Variants in DLGAP3 observed in about 807,000 individuals in gnomAD.
The protein encoded by DLGAP3 is disks large-associated protein 3.
A neutral mutation model predicts 81.2 loss-of-function variants in DLGAP3; 17 were observed. The ratio of observed to expected loss-of-function variants is 0.21; its 90% confidence interval spans 0.14 to 0.31. DLGAP3 has a LOEUF of 0.31. Among genes scored for constraint, DLGAP3 ranks in the 10% least tolerant of loss-of-function variants. The probability of loss-of-function intolerance (pLI) is 1.00; values close to 1 mark genes in which losing one functional copy is unlikely to be tolerated. For synonymous variants in DLGAP3, 577 were observed against 587.4 expected (o/e 0.98, Z 0.26); for missense variants, 1,124 against 1,388.0 (o/e 0.81, Z 3.02).
At chr1:34,916,271 A>G (rs1330860653) in intron 1 of DLGAP3, among the ~76,000 whole-genome samples, 1 of 152,240 alleles carries the variant, frequency 6.6e-6, no homozygotes, top group African/African-American at 2.4e-5. Flanking sequence ...TGTCCCGTCC[A>G]GGGAGGCATG....
intron 3 of DLGAP3, among the ~76,000 whole-genome samples, chr1:34,901,941 A>C (rs1392957184): frequency 6.6e-6 from 1 of 152,204 alleles, no homozygotes; most frequent in Non-Finnish European, 1.5e-5. Flanking sequence ...AAGGGAGAAC[A>C]GTTCAGGGAT....
intron 5 of DLGAP3, among the ~76,000 whole-genome samples, chr1:34,889,974 G>A (rs1023881450): frequency 3.3e-5 from 5 of 152,150 alleles, no homozygotes; most frequent in Admixed American, 1.3e-4. Context: ...CACATGAAGC[G>A]TGGAATTGGA....
At chr1:34,866,326 GC>G in intron 11 of DLGAP3, 25 bp from the exon 12 acceptor site, 1 of 1,489,748 alleles carries the variant, frequency 6.7e-7, no homozygotes, top group Non-Finnish European at 9.0e-7. Context: ...GCGTCGCTGA[GC>G]TGGGGCGCCG....
Position 34,867,342 on chromosome 1 carries a change from C to A in DLGAP3, c.2578-151G>T. The A allele has an allele frequency of 8.2e-7, 1 of 1,226,738 alleles. No individual in the cohort carries two copies. Among genetic ancestry groups the A allele is most frequent in the Non-Finnish European group, 1.2e-6 (1 of 838,828 alleles). 76.0% of individuals were successfully genotyped at this position (1,226,738 alleles called of 1,614,324 possible). ...GGAGACAGGGGGACAAGAGCGAGCC[C>A]AGGACTCCCCTTCTTGTGCACAAAC... On this transcript the variant is annotated intron_variant, in intron 10 of 11. Coordinates refer to ENST00000373347, the MANE Select transcript of DLGAP3 (RefSeq NM_001080418.3). The surrounding 1 kb of genome is among the most constrained non-coding windows in gnomAD (Gnocchi z 4.3).
At chr1:34,922,026 C>T (rs1028509711) in intron 1 of DLGAP3, among the ~76,000 whole-genome samples, 26 of 152,184 alleles carry the variant, frequency 1.7e-4, no homozygotes, top group African/African-American at 6.3e-4. Flanking sequence ...GGGCCCCCCT[C>T]TTACTCACTA....
intron 5 of DLGAP3, among the ~76,000 whole-genome samples, chr1:34,896,256 C>CA (rs983666470): frequency 1.3e-5 from 2 of 151,258 alleles, no homozygotes; most frequent in Non-Finnish European, 2.9e-5. Flanking sequence ...TTTTTGTTGC[C>CA]AAAAAAAAGA....
chr1:34,902,011 G>A lies in DLGAP3; in HGVS notation c.1108-1738C>T, dbSNP rs1639467475. ...GAAGAAGGATCGGCCTGGGATGGGTGGTCCCAGCTTTTCCTATGAGCCAAG... is the reference window on the plus strand; with the variant it reads ...GAAGAAGGATCGGCCTGGGATGGGTAGTCCCAGCTTTTCCTATGAGCCAAG... On this transcript the variant is annotated intron_variant, in intron 3 of 11. Coordinates refer to ENST00000373347, the MANE Select transcript of DLGAP3 (RefSeq NM_001080418.3). The surrounding 1 kb of genome is among the most constrained non-coding windows in gnomAD (Gnocchi z 4.4). Among the ~76,000 whole-genome samples, 5 of 152,164 alleles carry A rather than the reference G, an allele frequency of 3.3e-5. No homozygotes were observed. The highest frequency in any genetic ancestry group is 3.3e-4 in the Admixed American group (5 of 15,280).
intron 1 of DLGAP3, among the ~76,000 whole-genome samples, chr1:34,924,779 A>G (rs1314483737): frequency 1.3e-5 from 2 of 152,204 alleles, no homozygotes; most frequent in African/African-American, 4.8e-5. Context: ...GAAACAGCAA[A>G]AGGGGAGAGG....
chr1:34,895,425 C>A lies in DLGAP3; in HGVS notation c.1386+4244G>T, dbSNP rs1639367996. Reference sequence around the variant, plus strand: ...AAGTAAAATAAATGCTGAAAGAAATCAAAGAAGAACTGAATAAATGGAAAT... The same window carrying A: ...AAGTAAAATAAATGCTGAAAGAAATAAAAGAAGAACTGAATAAATGGAAAT... On this transcript the variant is annotated intron_variant, in intron 5 of 11. Coordinates refer to ENST00000373347, the MANE Select transcript of DLGAP3 (RefSeq NM_001080418.3). The surrounding 1 kb of genome is among the most constrained non-coding windows in gnomAD (Gnocchi z 4.5). Among the ~76,000 whole-genome samples the A allele has an allele frequency of 6.7e-6, 1 of 149,900 alleles. No individual in the cohort carries two copies. The highest frequency in any genetic ancestry group is 1.5e-5 in the Non-Finnish European group (1 of 67,380).
intron 1 of DLGAP3, among the ~76,000 whole-genome samples, chr1:34,923,087 C>T (rs576330759): frequency 2.0e-5 from 3 of 152,146 alleles, no homozygotes; most frequent in South Asian, 4.1e-4. Flanking sequence ...ACAATCCCCC[C>T]GTATATGCAA....
rs1404767684 is a variant in DLGAP3 at position 34,902,571 on chromosome 1, G to A, written c.1107+1706C>T. 6.6e-6 allele frequency among the ~76,000 whole-genome samples: 1 copy of A among 152,100 alleles called. No individual in the cohort carries two copies. ...AGGGGAGTGCGAGGCTGTCTGGAGG[G>A]TCCCTATAGCCCTTTGGTTCTTCCC... is the stretch of plus-strand genomic sequence containing the variant. On this transcript the variant is annotated intron_variant, in intron 3 of 11. Coordinates refer to ENST00000373347, the MANE Select transcript of DLGAP3 (RefSeq NM_001080418.3). The surrounding 1 kb of genome is among the most constrained non-coding windows in gnomAD (Gnocchi z 4.4).
At chr1:34,906,105 TAG>T (rs1194851664) in intron 2 of DLGAP3, among the ~76,000 whole-genome samples, 1 of 145,468 alleles carries the variant, frequency 6.9e-6, no homozygotes, top group Non-Finnish European at 1.5e-5. Flanking sequence ...TATATACACA[TAG>T]AAATATTTTT....
At chr1:34,876,875 A>T (rs1429270820) in intron 8 of DLGAP3, among the ~76,000 whole-genome samples, 1 of 152,132 alleles carries the variant, frequency 6.6e-6, no homozygotes, top group Non-Finnish European at 1.5e-5. Context: ...TGCTGCTCAA[A>T]TTGGCCCACT....
At chr1:34,866,932 C>A (rs930007842) in intron 11 of DLGAP3, 116 bp downstream of exon 11, 8 of 1,220,662 alleles carry the variant, frequency 6.6e-6, no homozygotes, top group Admixed American at 1.7e-5. Flanking sequence ...TCCAAGGCTG[C>A]CCTTGCTGCC....
intron 8 of DLGAP3, among the ~76,000 whole-genome samples, chr1:34,882,454 G>A (rs1281520062): frequency 6.6e-6 from 1 of 152,068 alleles, no homozygotes; most frequent in Non-Finnish European, 1.5e-5. Context: ...CTCCAGCCTG[G>A]ACGACAAGAG....
At position 34,892,794 on chromosome 1, in the gene DLGAP3, G is replaced by T. The variant is rs945539429; in HGVS notation, c.1387-6509C>A. On this transcript the variant is annotated intron_variant, in intron 5 of 11. Transcript: ENST00000373347. ...TCACACAAATTACAGTCAAAATGTT[G>T]AAAGCTGAAAACAGAAAATCTTAAT... Among the ~76,000 whole-genome samples, 5 of 152,322 alleles carry T rather than the reference G, an allele frequency of 3.3e-5. No individual in the cohort carries two copies. In the South Asian group the frequency reaches 1.0e-3, roughly 32 times the overall value.
chr1:34,897,160 G>A lies in DLGAP3; in HGVS notation c.1386+2509C>T, dbSNP rs772838510. Among the ~76,000 whole-genome samples, 5 of 152,034 alleles carry A rather than the reference G, an allele frequency of 3.3e-5. 1 individual carries two copies. The highest frequency in any genetic ancestry group is 5.9e-5 in the Non-Finnish European group (4 of 68,012). On this transcript the variant is annotated intron_variant, in intron 5 of 11. Transcript: ENST00000373347. The stretch of plus-strand genomic sequence containing the variant: ...AAAAAAGTATTATGAGACATAATAG[G>A]GTGACATCTCTAGTGCTTTAAACTT...
intron 1 of DLGAP3, among the ~76,000 whole-genome samples, chr1:34,908,143 G>A (rs1030966589): frequency 1.3e-5 from 2 of 152,186 alleles, no homozygotes; most frequent in Non-Finnish European, 1.5e-5. Flanking sequence ...TTCAGAATAG[G>A]AACCAAGTCC....
In DLGAP3 at chr1:34,868,564, C is replaced by T. The variant is rs1038588079; in HGVS notation, c.2485+41G>A. 3.2e-6 allele frequency: 5 copies of T among 1,561,788 alleles called. No homozygotes were observed. The African/African-American group carries it at 6.8e-5, about 21-fold the overall frequency. On this transcript the variant is annotated intron_variant, in intron 9 of 11. Transcript: ENST00000373347. This position sits in a 1 kb window ranked among gnomAD's most constrained non-coding sequence, Gnocchi z 7.5. ...AGGGTCTCCTGAGCACACACGAGGC[C>T]ATGGTCCCCAGAGTCCCCTTGTTCC...
Sources: gnomAD v4.1 joint callset for allele counts (sites outside exome capture counted in the v4.1 genomes callset) on GRCh38, gnomAD v4.1.1 for gene constraint, Gnocchi (gnomAD v3.1) non-coding constraint, MANE v1.5 for transcripts, NCBI Gene and HGNC (gene_info 2026-07-23, HGNC 2026-07-21) for gene names.